The following FRMD4B variants were observed in gnomAD, a reference collection of about 807,000 sequenced individuals.
FRMD4B encodes FERM domain-containing protein 4B.
A neutral mutation model predicts 141.5 loss-of-function variants in FRMD4B; 74 were observed. That is an observed-to-expected ratio of 0.52 (90% confidence interval 0.43 to 0.63). The LOEUF (loss-of-function observed/expected upper bound fraction) is 0.63, where lower values mean the gene tolerates loss of function less well. Ranked by LOEUF, FRMD4B falls within the 30% of genes least tolerant of loss-of-function variation. The pLI is 0.00. For missense variants in FRMD4B, 1,366 were observed against 1,253.4 expected (o/e 1.09, Z -1.36); for synonymous variants, 506 against 467.9 (o/e 1.08, Z -1.05).
In FRMD4B at chr3:69,499,072, C is replaced by A. The variant is rs142276140; in HGVS notation, c.-129+43134G>T. ...GTAAAACAAAGACACTGAGCTGAGACAGAATTGATAGGAAGCATTCCAGAT... is the reference window on the plus strand; with the variant it reads ...GTAAAACAAAGACACTGAGCTGAGAAAGAATTGATAGGAAGCATTCCAGAT... On this transcript the variant is annotated intron_variant, in intron 1 of 5. Coordinates refer to the FRMD4B transcript ENST00000459638. Among the ~76,000 whole-genome samples the A allele has an allele frequency of 6.6e-5, 10 of 152,224 alleles. No homozygotes were observed. The East Asian group carries it at 1.5e-3, about 23-fold the overall frequency.
chr3:69,500,002 T>C (rs557329066), intron 1 of FRMD4B, among the ~76,000 whole-genome samples: 2 of 152,334 alleles, frequency 1.3e-5, no homozygotes, highest in East Asian at 3.9e-4. Flanking sequence ...ACAGACTGGG[T>C]TCCAGAAGGG....
intron 5 of FRMD4B, among the ~76,000 whole-genome samples, chr3:69,256,116 G>A (rs182708292): frequency 6.6e-6 from 1 of 151,974 alleles, no homozygotes; most frequent in Non-Finnish European, 1.5e-5. Context: ...AAAAGGTTGG[G>A]GGGGAGGGAC....
At chr3:69,340,075 C>T (rs1452130092) in intron 1 of FRMD4B, among the ~76,000 whole-genome samples, 1 of 152,182 alleles carries the variant, frequency 6.6e-6, no homozygotes. Context: ...TCCTTTCCAG[C>T]TCAAGGCATG....
At chr3:69,515,939 G>T (rs1700750795) in intron 1 of FRMD4B, among the ~76,000 whole-genome samples, 1 of 152,124 alleles carries the variant, frequency 6.6e-6, no homozygotes, top group Non-Finnish European at 1.5e-5. Flanking sequence ...GCTCCCAAAA[G>T]ATAGCCATGT....
intron 1 of FRMD4B, among the ~76,000 whole-genome samples, chr3:69,383,181 C>T (rs1704160130): frequency 6.6e-6 from 1 of 152,212 alleles, no homozygotes; most frequent in African/African-American, 2.4e-5. Context: ...TACCCACGGT[C>T]ATACATAGGC....
chr3:69,518,865 G>A (rs566300537), intron 1 of FRMD4B, among the ~76,000 whole-genome samples: 1 of 152,322 alleles, frequency 6.6e-6, no homozygotes, highest in African/African-American at 2.4e-5. Context: ...GTTCCTCTGA[G>A]ACCTGGATGG....
intron 2 of FRMD4B, among the ~76,000 whole-genome samples, chr3:69,403,155 G>A (rs1251636923): frequency 6.6e-6 from 1 of 152,120 alleles, no homozygotes; most frequent in Admixed American, 6.5e-5. Flanking sequence ...GATCACAGAG[G>A]TGCTTTGAAA....
chr3:69,324,102 A>T (rs978215904), intron 1 of FRMD4B, among the ~76,000 whole-genome samples: 1 of 152,162 alleles, frequency 6.6e-6, no homozygotes, highest in Non-Finnish European at 1.5e-5. Context: ...AGCTGCTAAA[A>T]ATGGTGTCTA....
At chr3:69,261,191 C>T (rs546673245) in intron 5 of FRMD4B, among the ~76,000 whole-genome samples, 5 of 152,114 alleles carry the variant, frequency 3.3e-5, no homozygotes, top group African/African-American at 4.8e-5. Flanking sequence ...ACACTGCTGG[C>T]GAAGGTCTGC....
At chr3:69,292,077 T>G (rs922747745) in intron 4 of FRMD4B, among the ~76,000 whole-genome samples, 13 of 152,216 alleles carry the variant, frequency 8.5e-5, no homozygotes, top group African/African-American at 3.1e-4. Flanking sequence ...AACTGAGGTC[T>G]GTTAGACTTC....
At chr3:69,373,606 C>T (rs1056952741) in intron 1 of FRMD4B, among the ~76,000 whole-genome samples, 5 of 152,128 alleles carry the variant, frequency 3.3e-5, no homozygotes, top group Non-Finnish European at 7.3e-5. Flanking sequence ...GGCATGGTGG[C>T]TCATGCCTGT....
intron 1 of FRMD4B, among the ~76,000 whole-genome samples, chr3:69,482,273 C>A (rs1706136532): frequency 6.6e-6 from 1 of 151,404 alleles, no homozygotes; most frequent in African/African-American, 2.5e-5. Context: ...AAAAATAACC[C>A]TAAACAGGCA....
intron 9 of FRMD4B, 58 bp downstream of exon 9, chr3:69,221,800 T>C (rs908792295): frequency 9.6e-6 from 8 of 836,980 alleles, no homozygotes; most frequent in Non-Finnish European, 1.4e-5. Flanking sequence ...TCATTTCAAG[T>C]GATACCTTCA....
chr3:69,172,000 A>G lies in FRMD4B; in HGVS notation c.2985-19T>C, dbSNP rs1251429029. On this transcript the variant is annotated intron_variant, in intron 22 of 22. Transcript: ENST00000398540. ...GTATTGTCTATTAAAGAAAACCAGA[A>G]AAGTTACTACTTGTGGCCATATTTT... 1 of 1,611,882 alleles carries G rather than the reference A, an allele frequency of 6.2e-7. No homozygotes were observed. Among genetic ancestry groups the G allele is most frequent in the African/African-American group, 1.3e-5 (1 of 74,920 alleles).
At chr3:69,509,395 T>C (rs779699746) in intron 1 of FRMD4B, among the ~76,000 whole-genome samples, 1 of 152,154 alleles carries the variant, frequency 6.6e-6, no homozygotes, top group Non-Finnish European at 1.5e-5. Context: ...CCTCCCGCCA[T>C]GTTGTAATAT....
rs1327709154 is a variant in FRMD4B, at chr3:69,169,531, T to G, written c.*2330A>C. On this transcript the variant is annotated 3_prime_UTR_variant, in exon 23 of 23. Coordinates refer to ENST00000398540, the MANE Select transcript of FRMD4B (RefSeq NM_015123.3). The stretch of plus-strand genomic sequence containing the variant: ...CATCACCATGACTGGCTAATTTTTG[T>G]ATTTTCATAGAGATGGGGTTTCACC... Among the ~76,000 whole-genome samples, 1 of 151,956 alleles carries G rather than the reference T, an allele frequency of 6.6e-6. No homozygotes were observed.
intron 7 of FRMD4B, among the ~76,000 whole-genome samples, chr3:69,243,680 A>T (rs921655132): frequency 2.0e-5 from 3 of 152,222 alleles, no homozygotes; most frequent in Middle Eastern, 3.2e-3. Context: ...TAAATTTTAC[A>T]TTTATTACTT....
rs573649723 is a variant in FRMD4B at position 69,234,074 on chromosome 3, C to T, written c.582-9384G>A. On this transcript the variant is annotated intron_variant, in intron 7 of 22. Coordinates refer to ENST00000398540, the MANE Select transcript of FRMD4B (RefSeq NM_015123.3). Reference sequence around the variant, plus strand: ...CCAGCCTGGCCAAATGGTGAAACTCCGTCTCTACTTAAAATACAAAAATTA... The same window carrying T: ...CCAGCCTGGCCAAATGGTGAAACTCTGTCTCTACTTAAAATACAAAAATTA... 6.2e-4 allele frequency among the ~76,000 whole-genome samples: 94 copies of T among 152,052 alleles called. 1 individual carries two copies. Among genetic ancestry groups the T allele is most frequent in the Non-Finnish European group, 9.6e-4 (65 of 67,990 alleles).
rs116823421 is a variant in FRMD4B at position 69,328,312 on chromosome 3, A to G, written c.163-14795T>C. On this transcript the variant is annotated intron_variant, in intron 1 of 22. Coordinates refer to ENST00000398540, the MANE Select transcript of FRMD4B (RefSeq NM_015123.3). ...ATTGAATCTGCATGGAAGTAACACC[A>G]TTTAATGATATGCTACTGCTCGTCT... Among the ~76,000 whole-genome samples, 683 of 152,376 alleles carry G rather than the reference A, an allele frequency of 4.5e-3. 7 individuals are homozygous for G. The highest frequency in any genetic ancestry group is 0.016 in the African/African-American group (661 of 41,598).
Sources: allele counts gnomAD v4.1 joint callset (sites outside exome capture counted in the v4.1 genomes callset), GRCh38; gene constraint gnomAD v4.1.1; transcripts MANE v1.5; gene names NCBI Gene and HGNC (gene_info 2026-07-23, HGNC 2026-07-21).